Variants in PRELID2 observed in about 807,000 individuals in gnomAD.
PRELID2 encodes the protein PRELI domain-containing protein 2.
In PRELID2, 25 loss-of-function variants were observed where a neutral mutation model predicts 28.4. The observed-to-expected ratio is 0.88, with a 90% CI of 0.64 to 1.23. The LOEUF is 1.23. PRELID2 is among the 50% of genes most tolerant of loss of function. The pLI is 0.00. For synonymous variants in PRELID2, 76 were observed against 71.6 expected, an observed-to-expected ratio of 1.06 and a Z score of -0.31; for missense variants, 201 against 214.4, an observed-to-expected ratio of 0.94 and a Z score of 0.39.
At chr5:145,282,878 C>A in the PRELID2 span, among the ~76,000 whole-genome samples, 716 of 152,164 alleles carry the variant, frequency 4.7e-3, 4 homozygotes, top group African/African-American at 0.016. Flanking sequence ...GAAAATATTC[C>A]CTTCAATACT....
chr5:145,395,473 C>T, the PRELID2 span, among the ~76,000 whole-genome samples: 47,259 of 151,406 alleles, frequency 0.31, 7,872 homozygotes, highest in East Asian at 0.7. Flanking sequence ...GAAGGGTAGC[C>T]GGAAAAACAG....
At chr5:145,229,939 T>G in the PRELID2 span, 1 of 749,750 alleles carries the variant, frequency 1.3e-6, no homozygotes, top group Non-Finnish European at 2.5e-6. Context: ...GAGGAGCTGA[T>G]GAGCGTGAAC....
At chr5:145,353,048 C>T in the PRELID2 span, among the ~76,000 whole-genome samples, 1 of 152,286 alleles carries the variant, frequency 6.6e-6, no homozygotes, top group African/African-American at 2.4e-5. Context: ...ACTGTTCTAA[C>T]CTCTCCCTGT....
At chr5:145,229,904 G>T in the PRELID2 span, 1 of 750,016 alleles carries the variant, frequency 1.3e-6, no homozygotes, top group Admixed American at 1.8e-5. Context: ...TCCTTGGCTG[G>T]GAGTCCCCAC....
intron 1 of PRELID2, among the ~76,000 whole-genome samples, chr5:145,491,198 T>A (rs1411103778): frequency 6.6e-6 from 1 of 152,178 alleles, no homozygotes; most frequent in African/African-American, 2.4e-5. Context: ...CTTCTTATAG[T>A]TCTGGGGGCT....
intron 4 of PRELID2, among the ~76,000 whole-genome samples, chr5:145,803,622 G>A (rs1753294732): frequency 6.6e-6 from 1 of 151,468 alleles, no homozygotes; most frequent in South Asian, 2.1e-4. Flanking sequence ...GCAATATGCG[G>A]AAAGCACTCA....
rs369770559 is a variant in PRELID2, at chr5:145,790,768, G to A, written c.474+5674C>T. Among the ~76,000 whole-genome samples, 84 of 136,528 alleles carry A rather than the reference G, an allele frequency of 6.2e-4. No homozygotes were observed. In the East Asian group the frequency reaches 0.014, roughly 22 times the overall value. 89.6% of individuals were successfully genotyped at this position (136,528 alleles called of 152,430 possible). On this transcript the variant is annotated intron_variant, in intron 5 of 6. Transcript: ENST00000683046. ...ATATCAAAATGCCACATTGTATCCC[G>A]TAAATATATACAATTATAATTTGTC...
chr5:145,526,659 A>G (rs1456847976), intron 1 of PRELID2, among the ~76,000 whole-genome samples: 1 of 152,164 alleles, frequency 6.6e-6, no homozygotes, highest in African/African-American at 2.4e-5. Context: ...TGGAAAAACT[A>G]GATCATGGGA....
At chr5:145,602,092 TGGGTAC>T (rs1753406776) in intron 1 of PRELID2, among the ~76,000 whole-genome samples, 1 of 152,186 alleles carries the variant, frequency 6.6e-6, no homozygotes, top group Non-Finnish European at 1.5e-5. Flanking sequence ...GAGTGGGCTC[TGGGTAC>T]TGCAGAAAGC....
chr5:145,233,750 C>G, the PRELID2 span, among the ~76,000 whole-genome samples: 6 of 152,218 alleles, frequency 3.9e-5, no homozygotes, highest in East Asian at 1.2e-3. Context: ...CTAGTATCAC[C>G]CCCTACTGAG....
chr5:145,360,407 C>T, the PRELID2 span, among the ~76,000 whole-genome samples: 14 of 151,920 alleles, frequency 9.2e-5, no homozygotes, highest in African/African-American at 1.7e-4. Context: ...GTAAGATCTC[C>T]CACAGAGATG....
chr5:145,374,644 T>C, the PRELID2 span, among the ~76,000 whole-genome samples: 14 of 152,226 alleles, frequency 9.2e-5, no homozygotes, highest in African/African-American at 2.6e-4. Context: ...GGTCTTTTTA[T>C]GAAGTCTCAT....
intron 1 of PRELID2, among the ~76,000 whole-genome samples, chr5:145,665,800 C>T (rs139225881): frequency 1.3e-3 from 200 of 152,178 alleles, no homozygotes; most frequent in African/African-American, 4.7e-3. Context: ...AAATTCTATA[C>T]ATCTTTCAAA....
At chr5:145,400,341 C>T in the PRELID2 span, among the ~76,000 whole-genome samples, 1 of 151,970 alleles carries the variant, frequency 6.6e-6, no homozygotes, top group African/African-American at 2.4e-5. Context: ...GTTCAGGATC[C>T]CCAATCAAAC....
chr5:145,636,583 T>C (rs1390985359), intron 1 of PRELID2, among the ~76,000 whole-genome samples: 5 of 152,360 alleles, frequency 3.3e-5, no homozygotes, highest in Non-Finnish European at 5.9e-5. Flanking sequence ...CTAATTGCTC[T>C]TGGGTATTCC....
intron 1 of PRELID2, among the ~76,000 whole-genome samples, chr5:145,658,876 AGAGTAGTGGGACACAGAGTAACTG>A (rs898452272): frequency 6.6e-6 from 1 of 152,248 alleles, no homozygotes; most frequent in African/African-American, 2.4e-5. Context: ...AAAATAAAAC[AGAGTAGTGGGACACAGAGTAACTG>A]GAAAGGGGGA....
the PRELID2 span, among the ~76,000 whole-genome samples, chr5:145,301,949 T>TTTTTTTTTTTTTTTTTTTTG: frequency 7.3e-6 from 1 of 136,858 alleles, no homozygotes; most frequent in Non-Finnish European, 1.6e-5. Context: ...TTTTTTTTTT[T>TTTTTTTTTTTTTTTTTTTTG]GCTAACTCTG....
chr5:145,463,145 A>G, the PRELID2 span, among the ~76,000 whole-genome samples: 1 of 152,196 alleles, frequency 6.6e-6, no homozygotes, highest in African/African-American at 2.4e-5. Context: ...ATATTTTTCA[A>G]AATAAACAAA....
the PRELID2 span, among the ~76,000 whole-genome samples, chr5:145,430,601 T>A: frequency 6.6e-6 from 1 of 152,188 alleles, no homozygotes; most frequent in Non-Finnish European, 1.5e-5. Context: ...AGCACATGGA[T>A]ACTTGTCCAT....
Sources: allele counts gnomAD v4.1 joint callset (sites outside exome capture counted in the v4.1 genomes callset), GRCh38; gene constraint gnomAD v4.1.1; transcripts MANE v1.5; gene names NCBI Gene and HGNC (gene_info 2026-07-23, HGNC 2026-07-21).